Variants in ARID4B observed in about 807,000 individuals in gnomAD.
ARID4B encodes AT-rich interaction domain 4B, also known as AT-rich interactive domain-containing protein 4B.
Under a neutral mutation model 147.5 loss-of-function variants are expected in ARID4B, and 26 were observed. That is an observed-to-expected ratio of 0.18 (90% CI 0.13 to 0.24). The LOEUF is 0.24. Ranked by LOEUF, ARID4B falls within the 10% of genes least tolerant of loss-of-function variation. The probability of loss-of-function intolerance (pLI) is 1.00; values close to 1 mark genes in which losing one functional copy is unlikely to be tolerated. For synonymous variants in ARID4B, 512 were observed against 507.9 expected (o/e 1.01, Z -0.11); for missense variants, 1,179 against 1,511.5 (o/e 0.78, Z 3.65).
At chr1:235,172,861 G>C in intron 22 of ARID4B, 97 bp from the exon 23 acceptor site, 1 of 1,033,256 alleles carries the variant, frequency 9.7e-7, no homozygotes, top group South Asian at 2.3e-5. Context: ...ATAAGGTTGA[G>C]GCAGATGAAC....
chr1:235,315,774 G>A (rs1674382801), intron 2 of ARID4B, among the ~76,000 whole-genome samples: 1 of 152,114 alleles, frequency 6.6e-6, no homozygotes, highest in Admixed American at 6.6e-5. Flanking sequence ...AGCATATCTG[G>A]TTATTCACAG....
chr1:235,264,960 T>C (rs900704771), intron 2 of ARID4B, among the ~76,000 whole-genome samples: 2 of 150,400 alleles, frequency 1.3e-5, no homozygotes, highest in Admixed American at 1.3e-4. Context: ...CACGGGAGGC[T>C]GAGGCAGAAG....
At chr1:235,301,855 C>T (rs1415599787) in intron 2 of ARID4B, among the ~76,000 whole-genome samples, 1 of 151,914 alleles carries the variant, frequency 6.6e-6, no homozygotes, top group African/African-American at 2.4e-5. Flanking sequence ...ACTGGGATTA[C>T]AGGTGCCTGC....
chr1:235,223,892 A>G (rs1364249118), intron 12 of ARID4B, among the ~76,000 whole-genome samples: 1 of 151,916 alleles, frequency 6.6e-6, no homozygotes. Flanking sequence ...TTTTTCATTT[A>G]TCTTATACAA....
chr1:235,289,900 C>T (rs922939225), intron 2 of ARID4B, among the ~76,000 whole-genome samples: 2 of 152,034 alleles, frequency 1.3e-5, no homozygotes, highest in African/African-American at 2.4e-5. Context: ...ATTTTTCGCA[C>T]GCATCCATAG....
chr1:235,284,085 G>A (rs115014585), intron 2 of ARID4B, among the ~76,000 whole-genome samples: 3,832 of 152,202 alleles, frequency 0.025, 141 homozygotes, highest in African/African-American at 0.086. Flanking sequence ...AGGCCAGGCC[G>A]GCACAGTGGC....
intron 17 of ARID4B, among the ~76,000 whole-genome samples, chr1:235,206,438 C>T (rs1161709329): frequency 4.6e-5 from 7 of 151,592 alleles, no homozygotes. Flanking sequence ...AATTGTGACT[C>T]AAGTTAGGAT....
intron 2 of ARID4B, among the ~76,000 whole-genome samples, chr1:235,261,389 T>C (rs1670284112): frequency 6.6e-6 from 1 of 152,090 alleles, no homozygotes; most frequent in African/African-American, 2.4e-5. Context: ...CTGGCTATGG[T>C]GCCATGCGCC....
chr1:235,322,122 G>A (rs557393396), intron 2 of ARID4B, among the ~76,000 whole-genome samples: 4 of 151,534 alleles, frequency 2.6e-5, no homozygotes, highest in East Asian at 2.0e-4. Flanking sequence ...TCCACCTCCC[G>A]TGTTCAAGCT....
intron 2 of ARID4B, among the ~76,000 whole-genome samples, chr1:235,302,464 A>G (rs1673251020): frequency 6.6e-6 from 1 of 152,146 alleles, no homozygotes; most frequent in Non-Finnish European, 1.5e-5. Flanking sequence ...AATGTAAAAT[A>G]TCTCAATAAT....
Position 235,231,151 on chromosome 1 carries a change from C to T in ARID4B, c.704G>A (p.Ser235Asn), listed in dbSNP as rs368362633. ...AGCATCAGGCTTTGGTGCAGTGTCACTAGTAATTTCATGGACATCTTTTCT... is the reference window on the plus strand; with the variant it reads ...AGCATCAGGCTTTGGTGCAGTGTCATTAGTAATTTCATGGACATCTTTTCT... ...VPRKDVHEIT[S>N]DTAPKPDAVL... is the part of the protein sequence containing the mutation. Residue 235 changes from serine (S) to asparagine (N), a missense_variant, in exon 10 of 24, where the codon AGT becomes AAT. Transcript: ENST00000264183. 58 of 1,590,976 alleles carry T rather than the reference C, an allele frequency of 3.6e-5. No individual in the cohort carries two copies. The highest frequency in any genetic ancestry group is 4.9e-5 in the Non-Finnish European group (57 of 1,170,902).
At chr1:235,313,982 A>G (rs779395700) in intron 2 of ARID4B, among the ~76,000 whole-genome samples, 11 of 152,340 alleles carry the variant, frequency 7.2e-5, no homozygotes, top group East Asian at 1.9e-4. Context: ...ACTTAAACTC[A>G]TAAGAATCTG....
At chr1:235,281,567 G>A (rs960090998) in intron 2 of ARID4B, among the ~76,000 whole-genome samples, 4 of 151,994 alleles carry the variant, frequency 2.6e-5, no homozygotes, top group Admixed American at 6.6e-5. Context: ...ACAGCTGAGC[G>A]TGGTAGCCCA....
chr1:235,175,432 A>C, intron 21 of ARID4B, 33 bp from the exon 22 acceptor site: 1 of 1,523,498 alleles, frequency 6.6e-7, no homozygotes, highest in Non-Finnish European at 9.1e-7. Flanking sequence ...AATAAACAAA[A>C]ATGTAACAAT....
chr1:235,229,140 T>G, intron 11 of ARID4B, 91 bp downstream of exon 11: 1 of 1,382,462 alleles, frequency 7.2e-7, no homozygotes, highest in East Asian at 2.3e-5. Flanking sequence ...AAAATACTTA[T>G]ATGAGTAATG....
chr1:235,232,231 C>T (rs1405336072), intron 9 of ARID4B, among the ~76,000 whole-genome samples: 1 of 151,498 alleles, frequency 6.6e-6, no homozygotes, highest in Non-Finnish European at 1.5e-5. Context: ...ACCAGCCTGA[C>T]CAACATGGTG....
intron 19 of ARID4B, among the ~76,000 whole-genome samples, chr1:235,188,207 T>C (rs1306624968): frequency 6.6e-6 from 1 of 151,900 alleles, no homozygotes; most frequent in Non-Finnish European, 1.5e-5. Flanking sequence ...TCTGAAATAA[T>C]ATAAACCTAT....
intron 17 of ARID4B, among the ~76,000 whole-genome samples, chr1:235,196,618 C>A (rs1029168427): frequency 6.6e-6 from 1 of 151,986 alleles, no homozygotes; most frequent in Admixed American, 6.6e-5. Context: ...TTTTGGGAGA[C>A]CAAGGCGGGC....
chr1:235,186,087 A>AG (rs1664657166), intron 19 of ARID4B, among the ~76,000 whole-genome samples: 1 of 151,160 alleles, frequency 6.6e-6, no homozygotes, highest in African/African-American at 2.4e-5. Flanking sequence ...CCCCTGCCTC[A>AG]GCCTCCTGAG....
Sources: gnomAD v4.1 joint callset for allele counts (sites outside exome capture counted in the v4.1 genomes callset) on GRCh38, gnomAD v4.1.1 for gene constraint, MANE v1.5 for transcripts, NCBI Gene and HGNC (gene_info 2026-07-23, HGNC 2026-07-21) for gene names.